CAMK2D: variants seen among roughly 807,000 people sequenced by gnomAD.
The protein encoded by CAMK2D is calcium/calmodulin-dependent protein kinase type II subunit delta.
CAMK2D carries 37 observed loss-of-function variants against 84.0 expected under a neutral mutation model. The ratio of observed to expected loss-of-function variants is 0.44; its 90% CI spans 0.34 to 0.58. The LOEUF is 0.58. Ranked by LOEUF, CAMK2D falls within the 20% of genes least tolerant of loss-of-function variation. CAMK2D has a pLI of 0.02. For synonymous variants in CAMK2D, 202 were observed against 212.5 expected (o/e 0.95, Z 0.43); for missense variants, 448 against 652.5 (o/e 0.69, Z 3.41).
At chr4:113,573,296 T>C (rs927767111) in intron 4 of CAMK2D, among the ~76,000 whole-genome samples, 1 of 152,238 alleles carries the variant, frequency 6.6e-6, no homozygotes, top group Non-Finnish European at 1.5e-5. Context: ...CCAGATTTTA[T>C]ATCAAGAGCT....
At chr4:113,625,758 A>T (rs2099065271) in intron 3 of CAMK2D, among the ~76,000 whole-genome samples, 2 of 152,114 alleles carry the variant, frequency 1.3e-5, no homozygotes, top group Admixed American at 6.6e-5. Context: ...ATGGGAATTC[A>T]CTGTAGAGTT....
intron 3 of CAMK2D, among the ~76,000 whole-genome samples, chr4:113,640,805 T>C (rs73843463): frequency 0.037 from 5,669 of 152,292 alleles, 297 homozygotes; most frequent in East Asian, 0.11. Context: ...GAAAATTACT[T>C]ACATAGCTAA....
At chr4:113,736,519 A>G (rs570763287) in intron 2 of CAMK2D, among the ~76,000 whole-genome samples, 18 of 152,316 alleles carry the variant, frequency 1.2e-4, no homozygotes, top group African/African-American at 4.1e-4. Flanking sequence ...CAAAGGAAGA[A>G]GCGGATAATG....
rs377671091 is a variant in CAMK2D, at chr4:113,508,000, T to C, written c.984+1638A>G. Among the ~76,000 whole-genome samples, 7 of 152,278 alleles carry C rather than the reference T, an allele frequency of 4.6e-5. No individual in the cohort carries two copies. In the South Asian group the frequency reaches 8.3e-4, roughly 18 times the overall value. On this transcript the variant is annotated intron_variant, in intron 13 of 20. Transcript: ENST00000511664. The stretch of plus-strand genomic sequence containing the variant: ...GGTCTTTTTATTTTCAAAGAGAAAA[T>C]TGACTTTGTAAAAGAGCAAACCTCT...
chr4:113,685,930 G>A (rs1278263052), intron 2 of CAMK2D, among the ~76,000 whole-genome samples: 3 of 152,094 alleles, frequency 2.0e-5, no homozygotes, highest in Non-Finnish European at 4.4e-5. Flanking sequence ...TGGATGTGGT[G>A]GCGCATGCCT....
intron 4 of CAMK2D, among the ~76,000 whole-genome samples, chr4:113,563,863 T>G (rs1222448144): frequency 6.6e-6 from 1 of 152,188 alleles, no homozygotes; most frequent in Non-Finnish European, 1.5e-5. Flanking sequence ...CATGTCGAGA[T>G]TTATGTTTCA....
chr4:113,519,159 G>T (rs964926104), intron 8 of CAMK2D, among the ~76,000 whole-genome samples: 1 of 152,306 alleles, frequency 6.6e-6, no homozygotes, highest in African/African-American at 2.4e-5. Flanking sequence ...GTTCCAGGAG[G>T]TTAAGAAGAA....
At chr4:113,616,314 G>C (rs1325114626) in intron 3 of CAMK2D, among the ~76,000 whole-genome samples, 1 of 152,036 alleles carries the variant, frequency 6.6e-6, no homozygotes, top group Non-Finnish European at 1.5e-5. Flanking sequence ...AAGTCCTGAA[G>C]GTCAAAGCAT....
At chr4:113,692,897 A>G (rs2099392377) in intron 2 of CAMK2D, among the ~76,000 whole-genome samples, 1 of 151,952 alleles carries the variant, frequency 6.6e-6, no homozygotes, top group Admixed American at 6.6e-5. Flanking sequence ...ACTTAAAACA[A>G]ATCTTTTCAA....
At chr4:113,497,840 C>T (rs1347653954) in intron 16 of CAMK2D, among the ~76,000 whole-genome samples, 1 of 152,188 alleles carries the variant, frequency 6.6e-6, no homozygotes, top group Non-Finnish European at 1.5e-5. Context: ...CTGGGACAGC[C>T]AGCAGCAATG....
At chr4:113,682,046 C>T (rs2099347452) in intron 2 of CAMK2D, among the ~76,000 whole-genome samples, 3 of 152,082 alleles carry the variant, frequency 2.0e-5, no homozygotes, top group Admixed American at 1.3e-4. Flanking sequence ...CCTATTCTAC[C>T]CCTTCCTTTC....
At chr4:113,641,132 T>C (rs1185220565) in intron 3 of CAMK2D, among the ~76,000 whole-genome samples, 2 of 152,222 alleles carry the variant, frequency 1.3e-5, no homozygotes, top group African/African-American at 2.4e-5. Flanking sequence ...TATCATGTTG[T>C]TCACCTTCTA....
At chr4:113,735,824 A>T (rs895335949) in intron 2 of CAMK2D, among the ~76,000 whole-genome samples, 2 of 152,212 alleles carry the variant, frequency 1.3e-5, no homozygotes, top group Non-Finnish European at 2.9e-5. Flanking sequence ...AAGTATATTT[A>T]TGTAAATATA....
At chr4:113,545,190 G>A (rs2098557284) in intron 6 of CAMK2D, among the ~76,000 whole-genome samples, 1 of 152,222 alleles carries the variant, frequency 6.6e-6, no homozygotes, top group South Asian at 2.1e-4. Flanking sequence ...TATTGGCCAG[G>A]TATAAGCCCC....
intron 3 of CAMK2D, among the ~76,000 whole-genome samples, chr4:113,659,210 C>T (rs2099216755): frequency 6.6e-6 from 1 of 152,146 alleles, no homozygotes; most frequent in Admixed American, 6.5e-5. Flanking sequence ...CTGATACAAA[C>T]CAAACCAAAC....
intron 3 of CAMK2D, among the ~76,000 whole-genome samples, chr4:113,650,211 A>G (rs575561060): frequency 2.6e-5 from 4 of 151,882 alleles, no homozygotes; most frequent in South Asian, 4.2e-4. Flanking sequence ...CATAAAACTA[A>G]TCTAATGATT....
intron 4 of CAMK2D, among the ~76,000 whole-genome samples, chr4:113,569,898 G>A (rs953954379): frequency 3.3e-5 from 5 of 151,998 alleles, no homozygotes; most frequent in African/African-American, 1.2e-4. Flanking sequence ...ATATAATCGA[G>A]ATGATTAAGA....
intron 3 of CAMK2D, among the ~76,000 whole-genome samples, chr4:113,641,837 G>A (rs148821497): frequency 0.012 from 1,769 of 151,762 alleles, 43 homozygotes; most frequent in African/African-American, 0.039. Context: ...GAGAAACCCC[G>A]TGTCTCTACC....
intron 1 of CAMK2D, among the ~76,000 whole-genome samples, chr4:113,759,691 T>G (rs1431394877): frequency 6.6e-6 from 1 of 152,156 alleles, no homozygotes; most frequent in African/African-American, 2.4e-5. Context: ...TGAAAACATT[T>G]TACAGTTCAC....
Sources: gnomAD v4.1 joint callset for allele counts (sites outside exome capture counted in the v4.1 genomes callset) on GRCh38, gnomAD v4.1.1 for gene constraint, MANE v1.5 for transcripts, NCBI Gene and HGNC (gene_info 2026-07-23, HGNC 2026-07-21) for gene names.